GPLD1: variants seen among roughly 807,000 people sequenced by gnomAD.
GPLD1 encodes the protein phosphatidylinositol-glycan-specific phospholipase D.
In GPLD1, 84 loss-of-function variants were observed where a neutral mutation model predicts 112.6. The observed-to-expected ratio is 0.75, with a 90% CI of 0.63 to 0.89. The LOEUF is 0.89. GPLD1 is among the 40% of genes least tolerant of loss of function. GPLD1 has a pLI of 0.00. For synonymous variants in GPLD1, 386 were observed against 403.8 expected (o/e 0.96, Z 0.53); for missense variants, 1,044 against 1,051.5 (o/e 0.99, Z 0.10).
chr6:24,440,472 G>A lies in GPLD1; in HGVS notation c.2021-3183C>T, dbSNP rs1469681343. Among the ~76,000 whole-genome samples the A allele has an allele frequency of 4.7e-5, 7 of 150,036 alleles. No individual in the cohort carries two copies. The South Asian group carries it at 1.1e-3, about 23-fold the overall frequency. On this transcript the variant is annotated intron_variant, in intron 20 of 24. Transcript: ENST00000230036. ...AAAAGAAAAAGAAAAATTATCAACTGTAAGTTACTTAATGTCACCAGCTTT... is the reference window on the plus strand; with the variant it reads ...AAAAGAAAAAGAAAAATTATCAACTATAAGTTACTTAATGTCACCAGCTTT...
chr6:24,451,631 C>T (rs897444873), intron 14 of GPLD1, among the ~76,000 whole-genome samples: 1 of 152,182 alleles, frequency 6.6e-6, no homozygotes, highest in Admixed American at 6.5e-5. Context: ...CCACCGCGCC[C>T]GGCCAGGTTC....
upstream of GPLD1, among the ~76,000 whole-genome samples, chr6:24,491,306 T>C (rs761300286): frequency 1.4e-4 from 21 of 152,064 alleles, no homozygotes; most frequent in Non-Finnish European, 2.5e-4. Flanking sequence ...TCTCAGAACA[T>C]CCAAGAGCAG....
intron 3 of GPLD1, among the ~76,000 whole-genome samples, chr6:24,477,548 A>C (rs2760151): frequency 6.6e-6 from 1 of 151,250 alleles, no homozygotes; most frequent in African/African-American, 2.4e-5. Flanking sequence ...GCAAGACCAC[A>C]TCTCTACAAA....
At chr6:24,482,627 G>C (rs147851897) in intron 2 of GPLD1, among the ~76,000 whole-genome samples, 1,680 of 152,278 alleles carry the variant, frequency 0.011, 17 homozygotes, top group Middle Eastern at 0.041. Flanking sequence ...ATGTTGGCCA[G>C]GCTGGTCTTG....
intron 20 of GPLD1, among the ~76,000 whole-genome samples, chr6:24,444,548 T>A (rs1762847749): frequency 6.6e-6 from 1 of 152,114 alleles, no homozygotes; most frequent in African/African-American, 2.4e-5. Flanking sequence ...AAATAATGGT[T>A]TATATAAAGT....
chr6:24,426,081 C>A lies in GPLD1; in HGVS notation c.*2951G>T, dbSNP rs556539961. The A allele has an allele frequency of 1.3e-5, 2 of 152,164 alleles. No homozygotes were observed. The highest frequency in any genetic ancestry group is 2.9e-5 in the Non-Finnish European group (2 of 68,036). The allele number at this position is 152,164 out of a possible 1,614,324, so 9.4% of individuals were successfully genotyped here. A position where few individuals can be genotyped will look rare whatever the true frequency, so the allele number is the denominator to read the frequency against. ...TACAAAGGCATAAAACAATTCCTAT[C>A]TTGAAGCCTTGAGAAAAGCTGTTAC... On this transcript the variant is annotated 3_prime_UTR_variant, in exon 25 of 25. Transcript: ENST00000230036.
At position 24,453,935 on chromosome 6, in the gene GPLD1, T is replaced by C; in HGVS notation, c.1335+80A>G. On this transcript the variant is annotated intron_variant, in intron 14 of 24. Transcript: ENST00000230036. Reference sequence around the variant, plus strand: ...TACTGTAATTATTCTTGTTATTAGTTACTCATCCTGGAGAATCTGCCACAA... The same window carrying C: ...TACTGTAATTATTCTTGTTATTAGTCACTCATCCTGGAGAATCTGCCACAA... 5.9e-6 allele frequency: 5 copies of C among 849,830 alleles called. No homozygotes were observed. The South Asian group carries it at 8.3e-5, about 14-fold the overall frequency. The allele number at this position is 849,830 out of a possible 1,614,324, so 52.6% of individuals were successfully genotyped here.
chr6:24,471,503 A>C (rs1036112322), intron 7 of GPLD1, among the ~76,000 whole-genome samples: 3 of 152,162 alleles, frequency 2.0e-5, no homozygotes, highest in Non-Finnish European at 2.9e-5. Context: ...AAAACAGAGA[A>C]GGTATTGTAG....
Position 24,475,217 on chromosome 6 carries a change from C to A in GPLD1, c.345G>T (p.Leu115=), listed in dbSNP as rs1472595567. The change falls in exon 5 of 25, where the codon CTG becomes CTT. Residue 115 remains leucine, a synonymous_variant. Transcript: ENST00000230036. ...PLPWEKDTEK[L]VAFLFGITSH... is the part of the protein sequence containing the mutation. ...AAGTAATTCCAAACAAGAAAGCTAC[C>A]AGTTTCTCTGTGTCCTGCCAAACAA... The A allele has an allele frequency of 5.0e-6, 8 of 1,600,912 alleles. No individual in the cohort carries two copies. Among genetic ancestry groups the A allele is most frequent in the Non-Finnish European group, 6.8e-6 (8 of 1,168,116 alleles).
rs1037368657 is a variant in GPLD1, at chr6:24,494,837, G to A, written n.239+130C>T. On this transcript the variant is annotated intron_variant and non_coding_transcript_variant, in intron 1 of 10. Coordinates refer to the GPLD1 transcript ENST00000474784. Reference sequence around the variant, plus strand: ...GGCGGTGCAGCGAGAAAGACGCGGAGAGAGGGCGCTGCTCTGTGGCTCTGC... The same window carrying A: ...GGCGGTGCAGCGAGAAAGACGCGGAAAGAGGGCGCTGCTCTGTGGCTCTGC... The A allele has an allele frequency of 2.3e-5, 19 of 809,086 alleles. No individual in the cohort carries two copies. The African/African-American group carries it at 3.4e-4, about 15-fold the overall frequency. The allele number at this position is 809,086 out of a possible 1,614,324, so 50.1% of individuals were successfully genotyped here. A position where few individuals can be genotyped will look rare whatever the true frequency, so the allele number is the denominator to read the frequency against.
At chr6:24,475,087 C>T (rs1405737454) in intron 5 of GPLD1, 34 bp downstream of exon 5, 1 of 1,054,180 alleles carries the variant, frequency 9.5e-7, no homozygotes, top group Non-Finnish European at 1.5e-6. Flanking sequence ...GTATCACTCC[C>T]ATAAAGTCAT....
upstream of GPLD1, among the ~76,000 whole-genome samples, chr6:24,490,053 T>C (rs1244767479): frequency 6.6e-6 from 1 of 152,210 alleles, no homozygotes; most frequent in Non-Finnish European, 1.5e-5. Context: ...CTGGCTTCCT[T>C]TTCAGTATTT....
intron 22 of GPLD1, among the ~76,000 whole-genome samples, chr6:24,435,546 TA>T (rs1224934309): frequency 6.6e-6 from 1 of 152,114 alleles, no homozygotes; most frequent in African/African-American, 2.4e-5. Flanking sequence ...TTTTGCAATT[TA>T]AAAAATAATT....
chr6:24,489,685 A>G, upstream of GPLD1: 3 of 1,094,876 alleles, frequency 2.7e-6, no homozygotes, highest in Non-Finnish European at 3.8e-6. Context: ...CAACTGTCCA[A>G]CTACTGTTTA....
intron 7 of GPLD1, 141 bp from the exon 8 acceptor site, chr6:24,467,415 A>C: frequency 1.6e-6 from 1 of 608,236 alleles, no homozygotes; most frequent in East Asian, 2.8e-5. Flanking sequence ...CAGTTATTTA[A>C]TCCTAGCAAT....
In GPLD1 at chr6:24,427,675, GTC is replaced by G. The variant is rs1032262806; in HGVS notation, c.*1355_*1356del. Among the ~76,000 whole-genome samples, 5 of 152,010 alleles carry G rather than the reference GTC, an allele frequency of 3.3e-5. No individual in the cohort carries two copies. The highest frequency in any genetic ancestry group is 1.2e-4 in the African/African-American group (5 of 41,460). On this transcript the variant is annotated 3_prime_UTR_variant, in exon 25 of 25. Coordinates refer to ENST00000230036, the MANE Select transcript of GPLD1 (RefSeq NM_001503.4). ...AGCCTGGCCAACATGGTGAAACCCT[GTC>G]TCTACTAAAAATACAAAAATTAGCC...
chr6:24,450,176 G>T (rs17247566), intron 14 of GPLD1, among the ~76,000 whole-genome samples: 36,135 of 152,136 alleles, frequency 0.24, 4,524 homozygotes, highest in Non-Finnish European at 0.27. Flanking sequence ...ATAGCCTCGT[G>T]TATGTTCAGA....
chr6:24,485,989 T>G, intron 2 of GPLD1, 86 bp downstream of exon 2: 1 of 818,704 alleles, frequency 1.2e-6, no homozygotes. Flanking sequence ...TTAAAATTAC[T>G]GTTTAAATAT....
intron 3 of GPLD1, among the ~76,000 whole-genome samples, chr6:24,479,248 C>G (rs913019416): frequency 3.3e-5 from 5 of 152,176 alleles, no homozygotes; most frequent in African/African-American, 9.7e-5. Flanking sequence ...TCCAAACTCT[C>G]TCACCAATAA....
Sources: gnomAD v4.1 joint callset for allele counts (sites outside exome capture counted in the v4.1 genomes callset) on GRCh38, gnomAD v4.1.1 for gene constraint, MANE v1.5 for transcripts, NCBI Gene and HGNC (gene_info 2026-07-23, HGNC 2026-07-21) for gene names.